The following SLC14A2 variants were observed in gnomAD, a reference collection of about 807,000 sequenced individuals.
The protein encoded by SLC14A2 is solute carrier family 14 member 2.
In SLC14A2, 91 loss-of-function variants were observed where a neutral mutation model predicts 104.6. The observed-to-expected ratio is 0.87, with a 90% CI of 0.73 to 1.04. The LOEUF (loss-of-function observed/expected upper bound fraction) is 1.04, where lower values mean the gene tolerates loss of function less well. Ranked by LOEUF, SLC14A2 falls within the 50% of genes least tolerant of loss-of-function variation. The probability of loss-of-function intolerance (pLI) is 0.00; values close to 1 mark genes in which losing one functional copy is unlikely to be tolerated. For synonymous variants in SLC14A2, 476 were observed against 466.4 expected (o/e 1.02, Z -0.27); for missense variants, 1,189 against 1,156.0 (o/e 1.03, Z -0.41).
rs191886035 is a variant in SLC14A2 at position 45,585,165 on chromosome 18, C to T, written c.-34-39466C>T. Among the ~76,000 whole-genome samples, 11 of 152,296 alleles carry T rather than the reference C, an allele frequency of 7.2e-5. No individual in the cohort carries two copies. The East Asian group carries it at 2.1e-3, about 29-fold the overall frequency. ...CCTCCTCCTCCTCCTCCTTCCTGGG[C>T]TTCAGACATTCTGGCCTTCTTGCTG... On this transcript the variant is annotated intron_variant, in intron 2 of 20. Coordinates refer to the SLC14A2 transcript ENST00000586448.
chr18:45,368,204 C>A (rs772777525), intron 1 of SLC14A2, among the ~76,000 whole-genome samples: 15 of 152,098 alleles, frequency 9.9e-5, no homozygotes, highest in Non-Finnish European at 1.6e-4. Flanking sequence ...GCTTATGAGC[C>A]AGGCCTCTCA....
At chr18:45,412,062 A>G (rs2086221336) in intron 1 of SLC14A2, among the ~76,000 whole-genome samples, 1 of 152,180 alleles carries the variant, frequency 6.6e-6, no homozygotes, top group African/African-American at 2.4e-5. Flanking sequence ...AATGAAGCAT[A>G]TGCCCCTAAA....
chr18:45,380,250 A>T (rs928527011), intron 1 of SLC14A2, among the ~76,000 whole-genome samples: 1 of 152,226 alleles, frequency 6.6e-6, no homozygotes, highest in Non-Finnish European at 1.5e-5. Context: ...ATGAAAACAC[A>T]GTTAACCTTA....
intron 1 of SLC14A2, among the ~76,000 whole-genome samples, chr18:45,256,536 T>C (rs2084480405): frequency 6.6e-6 from 1 of 152,224 alleles, no homozygotes; most frequent in South Asian, 2.1e-4. Flanking sequence ...CCCTCTTAGC[T>C]AATCCTGTGC....
chr18:45,668,027 G>C lies in SLC14A2; in HGVS notation c.1907+5G>C. On this transcript the variant is annotated splice_donor_5th_base_variant and intron_variant, in intron 14 of 19. Coordinates refer to ENST00000255226, the MANE Select transcript of SLC14A2 (RefSeq NM_007163.4). ...CCTCATCCTGAGTCAGGACAAGTAAGTCCCAGAGGCTCAGGGTCCAAACAT... is the reference window on the plus strand; with the variant it reads ...CCTCATCCTGAGTCAGGACAAGTAACTCCCAGAGGCTCAGGGTCCAAACAT... 1 of 1,613,730 alleles carries C rather than the reference G, an allele frequency of 6.2e-7. No homozygotes were observed. Among genetic ancestry groups the C allele is most frequent in the African/African-American group, 1.3e-5 (1 of 75,010 alleles).
the SLC14A2 span, among the ~76,000 whole-genome samples, chr18:45,187,408 C>T: frequency 6.6e-6 from 1 of 152,128 alleles, no homozygotes; most frequent in African/African-American, 2.4e-5. Flanking sequence ...CCAACTCCAA[C>T]AGAATAGGAC....
rs537089031 is a variant in SLC14A2 at position 45,569,146 on chromosome 18, G to A, written c.-34-55485G>A. 6.0e-3 allele frequency among the ~76,000 whole-genome samples: 909 copies of A among 152,152 alleles called. 8 individuals carry two copies. The highest frequency in any genetic ancestry group is 9.6e-3 in the Non-Finnish European group (654 of 67,984). ...ATGGGCCTTCAATTTCACCCCTCAT[G>A]CCCCACTGTCCTTATCCCAACTGCT... On this transcript the variant is annotated intron_variant, in intron 2 of 20. Transcript: ENST00000586448.
intron 2 of SLC14A2, among the ~76,000 whole-genome samples, chr18:45,549,275 AAAG>A (rs2044019491): frequency 6.6e-6 from 1 of 152,230 alleles, no homozygotes; most frequent in Non-Finnish European, 1.5e-5. Flanking sequence ...GGGTGCCCCA[AAAG>A]AAGGACTACG....
intron 1 of SLC14A2, among the ~76,000 whole-genome samples, chr18:45,229,351 TA>T (rs2084151829): frequency 6.6e-6 from 1 of 152,126 alleles, no homozygotes; most frequent in Admixed American, 6.6e-5. Context: ...GAAAAGTAGA[TA>T]ATAGATATAG....
chr18:45,460,718 G>A (rs1041890758), intron 1 of SLC14A2, among the ~76,000 whole-genome samples: 4 of 152,044 alleles, frequency 2.6e-5, no homozygotes, highest in African/African-American at 9.7e-5. Flanking sequence ...AACTTTTCAT[G>A]TTCTTCCTCC....
rs2045423996 is a variant in SLC14A2, at chr18:45,636,839, T to C, written c.651-151T>C. ...ATTGAATACCTTATTCTATTCCCTA[T>C]CCCAGATCATTGGAACACTGGAGTC... is the stretch of plus-strand genomic sequence containing the variant. On this transcript the variant is annotated intron_variant, in intron 5 of 19. Transcript: ENST00000255226. 11 of 618,230 alleles carry C rather than the reference T, an allele frequency of 1.8e-5. No homozygotes were observed. The South Asian group carries it at 2.6e-4, about 15-fold the overall frequency. 38.3% of individuals were successfully genotyped at this position (618,230 alleles called of 1,614,324 possible).
chr18:45,192,509 T>C, the SLC14A2 span, among the ~76,000 whole-genome samples: 1 of 152,210 alleles, frequency 6.6e-6, no homozygotes, highest in Non-Finnish European at 1.5e-5. Context: ...TCAAAAGTGC[T>C]TGTATCATTT....
At chr18:45,348,997 G>T (rs1473961087) in intron 1 of SLC14A2, among the ~76,000 whole-genome samples, 2 of 152,206 alleles carry the variant, frequency 1.3e-5, no homozygotes, top group Non-Finnish European at 2.9e-5. Context: ...CTGGTCTCTT[G>T]TATCGGTGAT....
the SLC14A2 span, among the ~76,000 whole-genome samples, chr18:45,187,686 G>C: frequency 3.3e-5 from 5 of 151,940 alleles, no homozygotes; most frequent in Non-Finnish European, 5.9e-5. Context: ...CTATGACTTG[G>C]GGCAAAGGTG....
At chr18:45,564,177 C>T (rs1479734902) in intron 2 of SLC14A2, among the ~76,000 whole-genome samples, 1 of 152,208 alleles carries the variant, frequency 6.6e-6, no homozygotes, top group Non-Finnish European at 1.5e-5. Flanking sequence ...AATTTTATTA[C>T]TTTGCATGAT....
chr18:45,235,860 T>C (rs1370090415), intron 1 of SLC14A2, among the ~76,000 whole-genome samples: 1 of 102,480 alleles, frequency 9.8e-6, no homozygotes, highest in East Asian at 2.2e-4. Flanking sequence ...TATATACATA[T>C]ATGTGTGTAT....
rs41309431 is a variant in SLC14A2 at position 45,669,707 on chromosome 18, A to G, written c.2229+209A>G. Among the ~76,000 whole-genome samples the G allele has an allele frequency of 6.1e-3, 925 of 152,348 alleles. 5 individuals are homozygous for G. Among genetic ancestry groups the G allele is most frequent in the Non-Finnish European group, 7.2e-3 (489 of 68,028 alleles). On this transcript the variant is annotated intron_variant, in intron 16 of 19. Transcript: ENST00000255226. ...TTTTGGTCTCACTCTATGATAGCAC[A>G]GAGAAGGAAACTGCGGCCACGTTAA...
intron 1 of SLC14A2, among the ~76,000 whole-genome samples, chr18:45,276,658 A>G (rs1439353812): frequency 6.6e-6 from 1 of 152,228 alleles, no homozygotes; most frequent in African/African-American, 2.4e-5. Flanking sequence ...TTAGAATACA[A>G]TTTGGAACAA....
chr18:45,452,405 A>T (rs1156833067), intron 1 of SLC14A2, among the ~76,000 whole-genome samples: 2 of 152,216 alleles, frequency 1.3e-5, no homozygotes, highest in Non-Finnish European at 2.9e-5. Context: ...TTGACTTTAC[A>T]TACTATGTCC....
Sources: allele counts gnomAD v4.1 joint callset (sites outside exome capture counted in the v4.1 genomes callset), GRCh38; gene constraint gnomAD v4.1.1; transcripts MANE v1.5; gene names NCBI Gene and HGNC (gene_info 2026-07-23, HGNC 2026-07-21).